Variants in ZFAND2A observed in about 807,000 individuals in gnomAD.
ZFAND2A encodes the protein AN1-type zinc finger protein 2A.
ZFAND2A carries 20 observed loss-of-function variants against 11.6 expected under a neutral mutation model. The ratio of observed to expected loss-of-function variants is 1.72; its 90% confidence interval spans 1.21 to 2.50. The LOEUF is 2.50. Ranked by LOEUF, ZFAND2A falls within the 30% of genes most tolerant of loss-of-function variation. ZFAND2A has a pLI of 0.00. For missense variants in ZFAND2A, 234 were observed against 182.9 expected (o/e 1.28, Z -1.61); for synonymous variants, 93 against 60.6 (o/e 1.54, Z -2.48).
At chr7:1,149,748 G>A (rs1000753917), downstream of ZFAND2A, among the ~76,000 whole-genome samples, 14 of 152,194 alleles carry the variant, frequency 9.2e-5, no homozygotes, top group African/African-American at 2.9e-4. Flanking sequence ...GCGGCACGGC[G>A]CTGCGTGTTT....
chr7:1,157,756 A>C lies in ZFAND2A; in HGVS notation c.56-6T>G. ...ACATTTTACTGGAAGAAAATCTAAAAAACAAAAAACAGGGAAGTGTTTTAA... is the reference window on the plus strand; with the variant it reads ...ACATTTTACTGGAAGAAAATCTAAACAACAAAAAACAGGGAAGTGTTTTAA... On this transcript the variant is annotated splice_region_variant and splice_polypyrimidine_tract_variant and intron_variant, in intron 2 of 4. Transcript: ENST00000316495. 6.5e-7 allele frequency: 1 copy of C among 1,544,260 alleles called. No individual in the cohort carries two copies. The highest frequency in any genetic ancestry group is 8.7e-7 in the Non-Finnish European group (1 of 1,148,576).
At chr7:1,155,365 G>T in intron 4 of ZFAND2A, 88 bp downstream of exon 4, 1 of 1,544,326 alleles carries the variant, frequency 6.5e-7, no homozygotes, top group Non-Finnish European at 8.8e-7. Flanking sequence ...ATAAACTATT[G>T]GGAGTAATTT....
downstream of ZFAND2A, among the ~76,000 whole-genome samples, chr7:1,151,825 G>C (rs570109476): frequency 7.4e-5 from 11 of 149,354 alleles, no homozygotes; most frequent in Admixed American, 2.7e-4. Flanking sequence ...ATGGCCCGGA[G>C]GTGCTGCTGG....
intron 1 of ZFAND2A, among the ~76,000 whole-genome samples, chr7:1,159,275 T>G (rs977502696): frequency 1.3e-5 from 2 of 152,192 alleles, no homozygotes; most frequent in Non-Finnish European, 2.9e-5. Context: ...AATCCCCAAA[T>G]GATTTTGTTC....
In ZFAND2A at chr7:1,155,571, G is replaced by A. The variant is rs756477219; in HGVS notation, c.164C>T (p.Pro55Leu). The A allele has an allele frequency of 2.5e-6, 4 of 1,612,742 alleles. No homozygotes were observed. Among genetic ancestry groups the A allele is most frequent in the South Asian group, 2.2e-5 (2 of 90,752 alleles). Residue 55 changes from proline (P) to leucine (L), a missense_variant, in exon 4 of 5, where the codon CCA becomes CTA. Physicochemically the swap from Pro to Leu is moderately conservative, Grantham distance 98. Transcript: ENST00000316495. ...GGGGGTATTACAGAGTGGGCATACT[G>A]GGACGTGAACATCCTAAAAATAACA... ...PFAFQKDVHV[P>L]VCPLCNTPIP...
chr7:1,159,846 A>AGACAGCCGGACCCCC lies in ZFAND2A; in HGVS notation c.-46+117_-46+118insGGGGGTCCGGCTGTC. 1.7e-5 allele frequency: 3 copies of AGACAGCCGGACCCCC among 180,632 alleles called. 1 individual carries two copies. The highest frequency in any genetic ancestry group is 1.4e-4 in the South Asian group (2 of 14,074). 11.2% of individuals were successfully genotyped at this position (180,632 alleles called of 1,614,324 possible). ...GACCCCCAGCAGCCTGACCTCCAGCAAGCAGCCGGACTTTCAGCAGCCGCA... is the reference window on the plus strand; with the variant it reads ...GACCCCCAGCAGCCTGACCTCCAGCAGACAGCCGGACCCCCAGCAGCCGGACTTTCAGCAGCCGCA... On this transcript the variant is annotated intron_variant, in intron 1 of 4. Transcript: ENST00000316495.
intron 3 of ZFAND2A, 25 bp from the exon 4 acceptor site, chr7:1,155,609 C>T (rs750916654): frequency 2.5e-6 from 4 of 1,608,062 alleles, no homozygotes; most frequent in East Asian, 2.2e-5. Flanking sequence ...GGTAAGATGG[C>T]ATCTGAGACT....
chr7:1,158,285 G>A (rs1793580791), intron 1 of ZFAND2A, 28 bp from the exon 2 acceptor site: 2 of 1,445,120 alleles, frequency 1.4e-6, no homozygotes, highest in East Asian at 4.5e-5. Flanking sequence ...TAGTTAGGAG[G>A]AAAGCTGGAC....
At chr7:1,157,372 T>C (rs1793552727) in intron 3 of ZFAND2A, 1 of 251,588 alleles carries the variant, frequency 4.0e-6, no homozygotes, top group Admixed American at 5.5e-5. Context: ...ACATCTAAAG[T>C]AAGCTTGGAA....
downstream of ZFAND2A, among the ~76,000 whole-genome samples, chr7:1,149,067 C>T (rs1405122966): frequency 1.3e-5 from 2 of 151,940 alleles, no homozygotes; most frequent in African/African-American, 2.4e-5. Context: ...CAAGGTACTG[C>T]GATTACGGGC....
chr7:1,152,879 C>T, downstream of ZFAND2A: 1 of 871,410 alleles, frequency 1.1e-6, no homozygotes, highest in East Asian at 2.7e-5. Flanking sequence ...TTGGTGACGG[C>T]AGCAGTGGGC....
intron 4 of ZFAND2A, among the ~76,000 whole-genome samples, chr7:1,154,153 ATATC>A (rs1563159987): frequency 6.6e-6 from 1 of 151,382 alleles, no homozygotes; most frequent in African/African-American, 2.4e-5. Flanking sequence ...CATCAAGGGA[ATATC>A]TATCATGTCC....
chr7:1,156,526 G>A (rs1352937393), intron 3 of ZFAND2A, among the ~76,000 whole-genome samples: 3 of 83,912 alleles, frequency 3.6e-5, no homozygotes, highest in Admixed American at 1.2e-4. Context: ...TGGGGGCTCC[G>A]AAGGGGTGGA....
chr7:1,149,903 A>C (rs1225171265), downstream of ZFAND2A, among the ~76,000 whole-genome samples: 1 of 146,708 alleles, frequency 6.8e-6, no homozygotes, highest in Non-Finnish European at 1.5e-5. Flanking sequence ...CCCAGGCTGG[A>C]GTGCAATGGC....
downstream of ZFAND2A, among the ~76,000 whole-genome samples, chr7:1,152,533 A>C (rs970401299): frequency 5.9e-5 from 9 of 152,186 alleles, no homozygotes; most frequent in African/African-American, 2.2e-4. Flanking sequence ...GAGTTGAATC[A>C]TGTCCCCACA....
intron 3 of ZFAND2A, 106 bp from the exon 4 acceptor site, chr7:1,155,690 C>G: frequency 6.9e-7 from 1 of 1,441,592 alleles, no homozygotes; most frequent in Non-Finnish European, 9.3e-7. Context: ...AAAGAGAGGA[C>G]AAAAACCGGT....
rs925527238 is a variant in ZFAND2A at position 1,153,007 on chromosome 7, G to T, written c.*62C>A. On this transcript the variant is annotated 3_prime_UTR_variant, in exon 5 of 5. Transcript: ENST00000316495. ...CTCAATGGGGCTCCACTTCCCACTAGAGTGTAAGCTGCTTCCACGCATGCT... is the reference window on the plus strand; with the variant it reads ...CTCAATGGGGCTCCACTTCCCACTATAGTGTAAGCTGCTTCCACGCATGCT... 5 of 1,603,386 alleles carry T rather than the reference G, an allele frequency of 3.1e-6. No homozygotes were observed. In the South Asian group the frequency reaches 5.6e-5, roughly 18 times the overall value.
At chr7:1,149,970 A>G (rs1466971202), downstream of ZFAND2A, among the ~76,000 whole-genome samples, 3 of 151,170 alleles carry the variant, frequency 2.0e-5, no homozygotes, top group Non-Finnish European at 4.4e-5. Context: ...CTCTTGCCTC[A>G]GCCTCCCAAG....
intron 4 of ZFAND2A, 35 bp downstream of exon 4, chr7:1,155,418 C>T: frequency 2.5e-6 from 4 of 1,598,110 alleles, no homozygotes; most frequent in Non-Finnish European, 3.4e-6. Context: ...ACCAGGCTTC[C>T]CAGATGAAGG....
Sources: gnomAD v4.1 joint callset for allele counts (sites outside exome capture counted in the v4.1 genomes callset) on GRCh38, gnomAD v4.1.1 for gene constraint, MANE v1.5 for transcripts, NCBI Gene and HGNC (gene_info 2026-07-23, HGNC 2026-07-21) for gene names.